The following CIMAP2 variants were observed in gnomAD, a reference collection of about 807,000 sequenced individuals.
CIMAP2 encodes ciliary microtubule associated protein 2.
At chr1:54,811,773 G>GGGGGGCCCCCCCCCCCCC in the CIMAP2 span, 1 of 1,325,052 alleles carries the variant, frequency 7.5e-7, no homozygotes, top group Non-Finnish European at 1.0e-6. Flanking sequence ...CAGCCTCCAT[G>GGGGGGCCCCCCCCCCCCC]CCCCCACCCC....
At chr1:54,807,352 G>T in the CIMAP2 span, among the ~76,000 whole-genome samples, 4 of 152,142 alleles carry the variant, frequency 2.6e-5, no homozygotes, top group Non-Finnish European at 5.9e-5. Context: ...AGGATGTCAC[G>T]ATTGCACCTT....
At chr1:54,839,393 G>A in the CIMAP2 span, among the ~76,000 whole-genome samples, 3 of 554 alleles carry the variant, frequency 5.4e-3, no homozygotes, top group South Asian at 0.12. Context: ...TTTATTTTTC[G>A]AGACAGTTTT....
At chr1:54,832,181 C>G in the CIMAP2 span, among the ~76,000 whole-genome samples, 21 of 152,152 alleles carry the variant, frequency 1.4e-4, no homozygotes, top group Non-Finnish European at 2.9e-4. Context: ...ATAACAGTAA[C>G]AAAATCCCAT....
At chr1:54,806,863 C>G in the CIMAP2 span, 3 of 826,962 alleles carry the variant, frequency 3.6e-6, no homozygotes, top group African/African-American at 3.3e-5. Context: ...CACTGCAACT[C>G]CACTACTTTT....
the CIMAP2 span, chr1:54,811,765 G>GCCGGGGGGGGGGCGCCCCCCCCCCCC: frequency 2.3e-6 from 3 of 1,301,322 alleles, no homozygotes; most frequent in South Asian, 1.2e-5. Context: ...GGTTCTGACA[G>GCCGGGGGGGGGGCGCCCCCCCCCCCC]CCTCCATGCC....
the CIMAP2 span, chr1:54,813,990 A>G: frequency 1.9e-6 from 3 of 1,567,458 alleles, no homozygotes; most frequent in South Asian, 1.2e-5. Flanking sequence ...GTTCACTCCT[A>G]TGGCCGGCCT....
At chr1:54,838,110 A>G in the CIMAP2 span, among the ~76,000 whole-genome samples, 112 of 152,148 alleles carry the variant, frequency 7.4e-4, no homozygotes, top group African/African-American at 2.7e-3. Context: ...CAAAAGCTGT[A>G]TAAGAGTTGG....
the CIMAP2 span, chr1:54,807,218 C>A: frequency 1.0e-6 from 1 of 995,268 alleles, no homozygotes; most frequent in Non-Finnish European, 1.6e-6. Flanking sequence ...GCTGGACCCA[C>A]AGTGGGGGCT....
the CIMAP2 span, among the ~76,000 whole-genome samples, chr1:54,827,017 A>AT: frequency 1.3e-5 from 2 of 152,266 alleles, no homozygotes; most frequent in Non-Finnish European, 2.9e-5. Context: ...AGATAAATGC[A>AT]TGTATTCATC....
the CIMAP2 span, among the ~76,000 whole-genome samples, chr1:54,824,139 A>G: frequency 1.3e-5 from 2 of 152,028 alleles, no homozygotes; most frequent in Non-Finnish European, 2.9e-5. Context: ...CTCCCACCTC[A>G]GCCTCCCAAG....
At chr1:54,823,276 T>A in the CIMAP2 span, among the ~76,000 whole-genome samples, 1 of 152,182 alleles carries the variant, frequency 6.6e-6, no homozygotes, top group Non-Finnish European at 1.5e-5. Flanking sequence ...TATTTACTAT[T>A]GTTATATTCT....
chr1:54,811,643 A>C, the CIMAP2 span: 1 of 803,696 alleles, frequency 1.2e-6, no homozygotes, highest in Non-Finnish European at 2.0e-6. Context: ...CACGGGCAAC[A>C]ATGTTGTGTG....
the CIMAP2 span, chr1:54,807,767 T>C: frequency 6.6e-7 from 1 of 1,514,996 alleles, no homozygotes; most frequent in African/African-American, 1.4e-5. Context: ...TGTGTGGCCT[T>C]CAGTGTCCTC....
the CIMAP2 span, among the ~76,000 whole-genome samples, chr1:54,837,413 C>T: frequency 1.3e-3 from 201 of 152,258 alleles, 3 homozygotes; most frequent in African/African-American, 4.4e-3. Context: ...CCCTGAGCTA[C>T]TAAGCACAAC....
the CIMAP2 span, among the ~76,000 whole-genome samples, chr1:54,820,029 CTTCCTTCATTCA>C: frequency 7.4e-6 from 1 of 135,196 alleles, no homozygotes; most frequent in East Asian, 2.3e-4. Flanking sequence ...TCCTTCCTTC[CTTCCTTCATTCA>C]TTCCTTCCTT....
At chr1:54,838,485 T>TAA in the CIMAP2 span, among the ~76,000 whole-genome samples, 399 of 148,916 alleles carry the variant, frequency 2.7e-3, no homozygotes, top group Non-Finnish European at 4.8e-3. Flanking sequence ...CCATCTCAAT[T>TAA]AAAAAAAAAA....
chr1:54,817,005 G>A, the CIMAP2 span: 2 of 1,614,172 alleles, frequency 1.2e-6, no homozygotes, highest in African/African-American at 1.3e-5. Flanking sequence ...GTAGGTGTGG[G>A]CCGCTACCTC....
the CIMAP2 span, among the ~76,000 whole-genome samples, chr1:54,829,588 C>T: frequency 6.6e-6 from 1 of 152,214 alleles, no homozygotes; most frequent in African/African-American, 2.4e-5. Context: ...GTGCTTGGTT[C>T]TGTCCTGAGT....
At chr1:54,818,412 A>G in the CIMAP2 span, among the ~76,000 whole-genome samples, 1 of 148,124 alleles carries the variant, frequency 6.8e-6, no homozygotes, top group African/African-American at 2.5e-5. Context: ...CTTATTTTCC[A>G]TCTTACCTTT....
Sources: gnomAD v4.1 joint callset for allele counts (sites outside exome capture counted in the v4.1 genomes callset) on GRCh38, gnomAD v4.1.1 for gene constraint, MANE v1.5 for transcripts, NCBI Gene and HGNC (gene_info 2026-07-23, HGNC 2026-07-21) for gene names.